The following PKP4 variants were observed in gnomAD, a reference collection of about 807,000 sequenced individuals.
PKP4 encodes the protein plakophilin 4.
A neutral mutation model predicts 145.1 loss-of-function variants in PKP4; 90 were observed. The ratio of observed to expected loss-of-function variants is 0.62; its 90% CI spans 0.52 to 0.74. The LOEUF is 0.74. Among genes scored for constraint, PKP4 ranks in the 30% least tolerant of loss-of-function variants. The pLI is 0.00. For missense variants in PKP4, 1,340 were observed against 1,482.7 expected (o/e 0.90, Z 1.58); for synonymous variants, 563 against 577.2 (o/e 0.98, Z 0.35).
At chr2:158,671,333 T>A (rs2528590) in intron 17 of PKP4, among the ~76,000 whole-genome samples, 68,691 of 150,572 alleles carry the variant, frequency 0.46, 16,686 homozygotes, top group South Asian at 0.66. Context: ...GTCTTTTTTT[T>A]AAATGTATTT....
rs58108158 is a variant in PKP4 at position 158,496,759 on chromosome 2, CGTGTGTGT to C, written c.-5-36392_-5-36385del. Reference sequence around the variant, plus strand: ...CTCACTCTCTCTCGCCTTCTCTCTCCGTGTGTGTGTGTGTGTGTGTGTGTGTGTGTGTG... The same window carrying C: ...CTCACTCTCTCTCGCCTTCTCTCTCCGTGTGTGTGTGTGTGTGTGTGTGTG... On this transcript the variant is annotated intron_variant, in intron 1 of 21. Transcript: ENST00000389759. Among the ~76,000 whole-genome samples, 97 of 144,952 alleles carry C rather than the reference CGTGTGTGT, an allele frequency of 6.7e-4. 1 individual carries two copies. The South Asian group carries it at 0.013, about 20-fold the overall frequency.
intron 4 of PKP4, among the ~76,000 whole-genome samples, chr2:158,616,795 A>G (rs1412228710): frequency 6.6e-6 from 1 of 152,184 alleles, no homozygotes; most frequent in African/African-American, 2.4e-5. Flanking sequence ...TCCTGTTTCC[A>G]TGGTGATTTT....
At chr2:158,639,158 G>A (rs2054061674) in intron 9 of PKP4, among the ~76,000 whole-genome samples, 1 of 152,214 alleles carries the variant, frequency 6.6e-6, no homozygotes, top group African/African-American at 2.4e-5. Context: ...TTGGCACAAA[G>A]CCTGATATAA....
chr2:158,586,519 T>C (rs2048816514), intron 3 of PKP4, among the ~76,000 whole-genome samples: 1 of 152,372 alleles, frequency 6.6e-6, no homozygotes, highest in African/African-American at 2.4e-5. Context: ...TAATTCAGAC[T>C]AAATGAAGAA....
intron 3 of PKP4, among the ~76,000 whole-genome samples, chr2:158,601,445 A>G (rs1483544266): frequency 6.6e-6 from 1 of 152,248 alleles, no homozygotes; most frequent in East Asian, 1.9e-4. Flanking sequence ...ATAGAATTAA[A>G]TAACAAAAAC....
chr2:158,678,843 G>C (rs1402228571), intron 21 of PKP4, 189 bp downstream of exon 21: 2 of 617,898 alleles, frequency 3.2e-6, no homozygotes, highest in East Asian at 2.8e-5. Context: ...TCACGTTCTT[G>C]AGTATCCACA....
Position 158,680,607 on chromosome 2 carries a change from AC to A in PKP4, c.3510del (p.Tyr1172IlefsTer34). 6.2e-7 allele frequency: 1 copy of A among 1,613,868 alleles called. No homozygotes were observed. The highest frequency in any genetic ancestry group is 1.3e-5 in the African/African-American group (1 of 75,048). ...CTGAAATCGACCACAAATTATGTAG[AC>A]TTTTATTCCACTAAACGACCTTCTT... The part of the protein sequence containing the change: ...YGLKSTTNYV[D>X]FYSTKRPSYR... On this transcript the variant is annotated frameshift_variant, in exon 22 of 22. Coordinates refer to ENST00000389759, the MANE Select transcript of PKP4 (RefSeq NM_003628.6). LOFTEE classifies it high-confidence loss of function.
At chr2:158,620,737 G>T (rs2052143104) in intron 4 of PKP4, among the ~76,000 whole-genome samples, 1 of 152,146 alleles carries the variant, frequency 6.6e-6, no homozygotes, top group Non-Finnish European at 1.5e-5. Flanking sequence ...TCAGTTTTCA[G>T]ATTTTGATTT....
intron 10 of PKP4, 148 bp from the exon 11 acceptor site, chr2:158,642,338 A>T (rs2253652): frequency 1.2e-5 from 7 of 599,094 alleles, no homozygotes; most frequent in African/African-American, 1.1e-4. Context: ...CTTAGAATGT[A>T]TAAAAGTTGT....
chr2:158,513,892 C>T (rs767803444), intron 1 of PKP4, among the ~76,000 whole-genome samples: 2 of 152,158 alleles, frequency 1.3e-5, no homozygotes, highest in Admixed American at 6.5e-5. Flanking sequence ...GAACACAGCA[C>T]GCTGTGGTGT....
intron 2 of PKP4, among the ~76,000 whole-genome samples, chr2:158,542,186 T>C (rs1467319558): frequency 6.6e-6 from 1 of 152,190 alleles, no homozygotes; most frequent in African/African-American, 2.4e-5. Context: ...GGGATGCTGC[T>C]TACTGGAGAT....
At chr2:158,579,783 T>G (rs2048173717) in intron 3 of PKP4, among the ~76,000 whole-genome samples, 1 of 152,106 alleles carries the variant, frequency 6.6e-6, no homozygotes, top group Admixed American at 6.5e-5. Context: ...CAAAACAGAC[T>G]TGAAAAGCTG....
At chr2:158,459,992 C>T (rs990647195) in intron 1 of PKP4, among the ~76,000 whole-genome samples, 2 of 152,124 alleles carry the variant, frequency 1.3e-5, no homozygotes, top group Non-Finnish European at 2.9e-5. Context: ...GCATTCCCTC[C>T]CCACCCCCTA....
At chr2:158,639,283 C>T (rs1452724456) in intron 9 of PKP4, among the ~76,000 whole-genome samples, 1 of 151,930 alleles carries the variant, frequency 6.6e-6, no homozygotes, top group Non-Finnish European at 1.5e-5. Context: ...TCTCCAGCAC[C>T]ATAGCACAGT....
At chr2:158,528,111 A>G (rs1468151998) in intron 1 of PKP4, among the ~76,000 whole-genome samples, 1 of 109,814 alleles carries the variant, frequency 9.1e-6, no homozygotes, top group Non-Finnish European at 1.9e-5. Context: ...TAGAAATACC[A>G]TTTGACCCAG....
intron 4 of PKP4, among the ~76,000 whole-genome samples, chr2:158,607,678 C>T (rs905793072): frequency 1.3e-5 from 2 of 151,988 alleles, no homozygotes; most frequent in African/African-American, 2.4e-5. Flanking sequence ...CCCTGATTTC[C>T]CCATGCAATT....
At chr2:158,528,987 G>C (rs1177673296) in intron 1 of PKP4, among the ~76,000 whole-genome samples, 1 of 152,082 alleles carries the variant, frequency 6.6e-6, no homozygotes, top group Non-Finnish European at 1.5e-5. Context: ...TCTTAGTGTT[G>C]GCCTCAAGAT....
At chr2:158,578,188 G>A in intron 3 of PKP4, 5 of 244,338 alleles carry the variant, frequency 2.0e-5, no homozygotes, top group South Asian at 5.1e-5. Context: ...TTACTCATGG[G>A]CAAAAAAACT....
chr2:158,518,177 G>A (rs1269988791), intron 1 of PKP4, among the ~76,000 whole-genome samples: 1 of 152,190 alleles, frequency 6.6e-6, no homozygotes, highest in Non-Finnish European at 1.5e-5. Context: ...GTCAGGGCAA[G>A]ACTAAGAAGG....
Sources: gnomAD v4.1 joint callset for allele counts (sites outside exome capture counted in the v4.1 genomes callset) on GRCh38, gnomAD v4.1.1 for gene constraint, MANE v1.5 for transcripts, NCBI Gene and HGNC (gene_info 2026-07-23, HGNC 2026-07-21) for gene names.